The following SGCZ variants were observed in gnomAD, a reference collection of about 807,000 sequenced individuals.
SGCZ encodes the protein sarcoglycan zeta, also known as zeta-sarcoglycan.
SGCZ carries 40 observed loss-of-function variants against 41.3 expected under a neutral mutation model. The observed-to-expected ratio is 0.97, with a 90% CI of 0.75 to 1.26. The LOEUF is 1.26. Among genes scored for constraint, SGCZ ranks in the 50% most tolerant of loss-of-function variants. The probability of loss-of-function intolerance (pLI) is 0.00; values close to 1 mark genes in which losing one functional copy is unlikely to be tolerated. For missense variants in SGCZ, 552 were observed against 369.8 expected (o/e 1.49, Z -4.04); for synonymous variants, 206 against 137.5 (o/e 1.50, Z -3.49).
intron 2 of SGCZ, among the ~76,000 whole-genome samples, chr8:14,436,253 T>G (rs1390270935): frequency 6.6e-6 from 1 of 152,170 alleles, no homozygotes; most frequent in Admixed American, 6.5e-5. Context: ...ATGAGCCTCT[T>G]GAATCACAGA....
At chr8:14,135,765 AC>A (rs1417846984) in intron 5 of SGCZ, among the ~76,000 whole-genome samples, 1 of 152,178 alleles carries the variant, frequency 6.6e-6, no homozygotes, top group East Asian at 1.9e-4. Flanking sequence ...CTTCCAAAAA[AC>A]AGAAGAGGAT....
intron 2 of SGCZ, among the ~76,000 whole-genome samples, chr8:14,324,630 C>T (rs961122990): frequency 2.6e-5 from 4 of 152,002 alleles, no homozygotes; most frequent in African/African-American, 9.7e-5. Context: ...CACATTGATA[C>T]AATAATTTTA....
chr8:14,734,370 A>G (rs1167522013), intron 1 of SGCZ, among the ~76,000 whole-genome samples: 1 of 152,202 alleles, frequency 6.6e-6, no homozygotes, highest in Non-Finnish European at 1.5e-5. Flanking sequence ...AGAAATCAGA[A>G]TATTTGAAAC....
chr8:14,167,665 T>C (rs1471280634), intron 4 of SGCZ, among the ~76,000 whole-genome samples: 1 of 152,048 alleles, frequency 6.6e-6, no homozygotes, highest in Non-Finnish European at 1.5e-5. Flanking sequence ...TATGTGCAAA[T>C]ATTTTCTCTA....
At chr8:14,104,857 G>T (rs1382318774) in intron 6 of SGCZ, among the ~76,000 whole-genome samples, 2 of 152,002 alleles carry the variant, frequency 1.3e-5, no homozygotes, top group East Asian at 3.9e-4. Context: ...ATGAAAAGAT[G>T]CCAATTATAT....
intron 3 of SGCZ, among the ~76,000 whole-genome samples, chr8:14,260,010 C>A (rs1380560696): frequency 6.6e-6 from 1 of 152,066 alleles, no homozygotes; most frequent in Non-Finnish European, 1.5e-5. Flanking sequence ...TTGTAGTTCT[C>A]CTTGAAGAGG....
At chr8:14,137,656 G>A (rs536719573) in intron 5 of SGCZ, among the ~76,000 whole-genome samples, 1 of 152,192 alleles carries the variant, frequency 6.6e-6, no homozygotes, top group African/African-American at 2.4e-5. Context: ...AATGAACAAA[G>A]CCTCCAAGAA....
At position 14,528,833 on chromosome 8, in the gene SGCZ, AAAAACAAAACAAAAAC is replaced by A. The variant is rs1423024508; in HGVS notation, c.234+25883_234+25898del. Among the ~76,000 whole-genome samples the A allele has an allele frequency of 1.6e-3, 153 of 97,032 alleles. 5 individuals carry two copies. Among genetic ancestry groups the A allele is most frequent in the African/African-American group, 5.8e-3 (149 of 25,808 alleles). 63.7% of individuals were successfully genotyped at this position (97,032 alleles called of 152,430 possible). A position where few individuals can be genotyped will look rare whatever the true frequency, so the allele number is the denominator to read the frequency against. On this transcript the variant is annotated intron_variant, in intron 2 of 7. Transcript: ENST00000382080. ...CACAACATCACGGACCAGCCAAAAAAAAAACAAAACAAAAACAAAAAAAGAGAAAGTGCCAAAATCT... is the reference window on the plus strand; with the variant it reads ...CACAACATCACGGACCAGCCAAAAAAAAAAAAAGAGAAAGTGCCAAAATCT...
intron 2 of SGCZ, among the ~76,000 whole-genome samples, chr8:14,481,956 T>C (rs1265140875): frequency 6.6e-6 from 1 of 152,218 alleles, no homozygotes; most frequent in Non-Finnish European, 1.5e-5. Context: ...CCCTGATTTC[T>C]GCCTGGGGAT....
chr8:14,689,563 C>A (rs1425744784), intron 1 of SGCZ, among the ~76,000 whole-genome samples: 1 of 152,122 alleles, frequency 6.6e-6, no homozygotes, highest in Non-Finnish European at 1.5e-5. Flanking sequence ...TTTGTTATTA[C>A]TAACATAATT....
intron 2 of SGCZ, among the ~76,000 whole-genome samples, chr8:14,402,879 C>A (rs1799116133): frequency 6.7e-6 from 1 of 149,768 alleles, no homozygotes; most frequent in Non-Finnish European, 1.5e-5. Flanking sequence ...TCACCTTGGG[C>A]AGTATGGCCA....
intron 2 of SGCZ, among the ~76,000 whole-genome samples, chr8:14,417,233 G>A (rs1010459721): frequency 4.0e-5 from 6 of 151,868 alleles, no homozygotes; most frequent in African/African-American, 9.7e-5. Context: ...AACTCAGTTC[G>A]TAGTGCAATA....
At chr8:14,871,139 A>G (rs1804134044) in intron 1 of SGCZ, among the ~76,000 whole-genome samples, 1 of 152,098 alleles carries the variant, frequency 6.6e-6, no homozygotes, top group African/African-American at 2.4e-5. Context: ...CCCAAGAGGC[A>G]GAGGTTAACG....
At chr8:15,099,368 G>A (rs748969286) in intron 1 of SGCZ, among the ~76,000 whole-genome samples, 3 of 152,100 alleles carry the variant, frequency 2.0e-5, no homozygotes, top group Non-Finnish European at 4.4e-5. Flanking sequence ...CCATAAACTC[G>A]ATAATTTAGA....
chr8:14,688,103 C>T (rs1426806899), intron 1 of SGCZ, among the ~76,000 whole-genome samples: 5 of 152,106 alleles, frequency 3.3e-5, no homozygotes, highest in African/African-American at 1.2e-4. Context: ...AGCCCTTTGT[C>T]AGATGAGTAG....
intron 4 of SGCZ, among the ~76,000 whole-genome samples, chr8:14,217,378 G>C (rs1001494112): frequency 2.0e-5 from 3 of 150,182 alleles, no homozygotes; most frequent in African/African-American, 7.3e-5. Flanking sequence ...TGTATAACTG[G>C]TTAAATCTAA....
chr8:14,886,030 T>TACATAC lies in SGCZ; in HGVS notation c.40-331105_40-331104insGTATGT, dbSNP rs1350136951. On this transcript the variant is annotated intron_variant, in intron 1 of 7. Coordinates refer to ENST00000382080, the MANE Select transcript of SGCZ (RefSeq NM_139167.4). ...ATATATATATATATATATATATATA[T>TACATAC]ATATAAAATTGTATACTTAGCTTTT... Among the ~76,000 whole-genome samples the TACATAC allele has an allele frequency of 9.0e-4, 89 of 98,940 alleles. 1 individual carries two copies. Among genetic ancestry groups the TACATAC allele is most frequent in the Non-Finnish European group, 1.4e-3 (70 of 48,406 alleles). The allele number at this position is 98,940 out of a possible 152,430, so 64.9% of individuals were successfully genotyped here. A position where few individuals can be genotyped will look rare whatever the true frequency, so the allele number is the denominator to read the frequency against.
Position 14,252,842 on chromosome 8 carries a change from T to G in SGCZ, c.337-15163A>C, listed in dbSNP as rs1488392863. On this transcript the variant is annotated intron_variant, in intron 3 of 7. Coordinates refer to ENST00000382080, the MANE Select transcript of SGCZ (RefSeq NM_139167.4). ...TCTGATTTTAGCTTTCATTTTCTACTATTTTTTCAACTCCCTGTTTCTGAA... is the reference window on the plus strand; with the variant it reads ...TCTGATTTTAGCTTTCATTTTCTACGATTTTTTCAACTCCCTGTTTCTGAA... 2.0e-5 allele frequency among the ~76,000 whole-genome samples: 3 copies of G among 152,338 alleles called. No homozygotes were observed. The East Asian group carries it at 5.8e-4, about 29-fold the overall frequency.
intron 3 of SGCZ, among the ~76,000 whole-genome samples, chr8:14,248,284 AG>A (rs1259359919): frequency 6.6e-6 from 1 of 152,170 alleles, no homozygotes; most frequent in Non-Finnish European, 1.5e-5. Context: ...TTACATAAAA[AG>A]CTTGTGAAAC....
Sources: gnomAD v4.1 joint callset for allele counts (sites outside exome capture counted in the v4.1 genomes callset) on GRCh38, gnomAD v4.1.1 for gene constraint, MANE v1.5 for transcripts, NCBI Gene and HGNC (gene_info 2026-07-23, HGNC 2026-07-21) for gene names.